The following NOL4 variants were observed in gnomAD, a reference collection of about 807,000 sequenced individuals.
NOL4 encodes cancer/testis antigen 125.
In NOL4, 17 loss-of-function variants were observed where a neutral mutation model predicts 75.9. The observed-to-expected ratio is 0.22, with a 90% CI of 0.15 to 0.34. NOL4 has a LOEUF of 0.34. Ranked by LOEUF, NOL4 falls within the 10% of genes least tolerant of loss-of-function variation. NOL4 has a pLI of 1.00. For missense variants in NOL4, 614 were observed against 793.5 expected (o/e 0.77, Z 2.72); for synonymous variants, 292 against 289.9 (o/e 1.01, Z -0.07).
In NOL4 at chr18:34,105,063, C is replaced by G; in HGVS notation, c.512G>C (p.Gly171Ala). 6.2e-7 allele frequency: 1 copy of G among 1,606,268 alleles called. No homozygotes were observed. The highest frequency in any genetic ancestry group is 2.2e-5 in the East Asian group (1 of 44,726). Residue 171 changes from glycine (G) to alanine (A), a missense_variant, in exon 3 of 11, where the codon GGA becomes GCA. Physicochemically the swap from Gly to Ala is moderately conservative, Grantham distance 60. Transcript: ENST00000261592. ...CQKRMHLNPD[G>A]TDHKDNGKPP... ...ACTGCAGCTACCTTTATGATCTGTT[C>G]CATCTGGGTTTAAATGCATTCTTTT...
intron 1 of NOL4, among the ~76,000 whole-genome samples, chr18:34,139,224 A>G (rs1292595566): frequency 2.0e-5 from 3 of 152,040 alleles, no homozygotes; most frequent in Non-Finnish European, 2.9e-5. Flanking sequence ...CTCTTTTTCT[A>G]TTGATTGGAA....
At chr18:33,918,829 G>A (rs543262459) in intron 9 of NOL4, among the ~76,000 whole-genome samples, 34 of 152,190 alleles carry the variant, frequency 2.2e-4, no homozygotes, top group African/African-American at 8.2e-4. Flanking sequence ...TTGAACAATA[G>A]GAAGTTATGA....
At chr18:33,934,484 A>T (rs573907355) in intron 9 of NOL4, among the ~76,000 whole-genome samples, 1 of 152,284 alleles carries the variant, frequency 6.6e-6, no homozygotes, top group African/African-American at 2.4e-5. Context: ...TAGTGATTTC[A>T]TCTACATTAT....
chr18:33,912,765 C>T (rs1430411436), intron 9 of NOL4, among the ~76,000 whole-genome samples: 1 of 151,986 alleles, frequency 6.6e-6, no homozygotes, highest in South Asian at 2.1e-4. Flanking sequence ...TTCATGTGAC[C>T]TAAGATGACA....
At chr18:34,183,687 C>T (rs2034227671) in intron 1 of NOL4, 1 of 151,882 alleles carries the variant, frequency 6.6e-6, no homozygotes, top group African/African-American at 2.4e-5. Context: ...ATACCACCTC[C>T]ACTGCCTTTG....
At chr18:33,915,997 G>T (rs894091986) in intron 9 of NOL4, among the ~76,000 whole-genome samples, 1 of 152,092 alleles carries the variant, frequency 6.6e-6, no homozygotes, top group Non-Finnish European at 1.5e-5. Flanking sequence ...CAACATTATC[G>T]AGTACAGAGT....
rs956501756 is a variant in NOL4 at position 33,932,661 on chromosome 18, A to T, written c.1542+10404T>A. On this transcript the variant is annotated intron_variant, in intron 9 of 10. Coordinates refer to ENST00000261592, the MANE Select transcript of NOL4 (RefSeq NM_003787.5). ...TTATTTATGTATTTCATTATTTCCT[A>T]ATTATAAAAAATCCTATGTGATTGA... Among the ~76,000 whole-genome samples, 12 of 152,190 alleles carry T rather than the reference A, an allele frequency of 7.9e-5. No homozygotes were observed. The East Asian group carries it at 2.3e-3, about 29-fold the overall frequency.
chr18:34,068,134 G>A lies in NOL4; in HGVS notation c.772+25331C>T, dbSNP rs1000237430. The stretch of plus-strand genomic sequence containing the variant: ...ACCCTCTTAGGCTTCCATACATGAA[G>A]TGGGCATTAATGTGCATGAATAATG... On this transcript the variant is annotated intron_variant, in intron 5 of 10. Transcript: ENST00000261592. 7.9e-5 allele frequency among the ~76,000 whole-genome samples: 12 copies of A among 152,314 alleles called. No individual in the cohort carries two copies. The South Asian group carries it at 1.9e-3, about 24-fold the overall frequency.
At chr18:34,073,164 C>T (rs2077593376) in intron 5 of NOL4, among the ~76,000 whole-genome samples, 1 of 151,636 alleles carries the variant, frequency 6.6e-6, no homozygotes, top group African/African-American at 2.4e-5. Flanking sequence ...AATTGATAAC[C>T]CCTTGAAATA....
intron 6 of NOL4, among the ~76,000 whole-genome samples, chr18:33,962,336 T>C (rs1294987690): frequency 6.6e-6 from 1 of 152,196 alleles, no homozygotes; most frequent in Non-Finnish European, 1.5e-5. Context: ...CAATATAGAT[T>C]TCACACATGA....
intron 5 of NOL4, among the ~76,000 whole-genome samples, chr18:34,069,725 A>T (rs1260453637): frequency 6.6e-6 from 1 of 152,214 alleles, no homozygotes; most frequent in Non-Finnish European, 1.5e-5. Flanking sequence ...CATTATCCAC[A>T]GTAACCCGCT....
chr18:33,987,781 C>T (rs1459961900), intron 6 of NOL4, among the ~76,000 whole-genome samples: 1 of 152,044 alleles, frequency 6.6e-6, no homozygotes, highest in Non-Finnish European at 1.5e-5. Flanking sequence ...CTCCTATGGA[C>T]TAGCAGCCAC....
intron 5 of NOL4, among the ~76,000 whole-genome samples, chr18:34,088,333 T>C (rs1362878075): frequency 6.6e-6 from 1 of 152,060 alleles, no homozygotes; most frequent in Non-Finnish European, 1.5e-5. Flanking sequence ...AAATTCATAA[T>C]AAAGTAAGTA....
chr18:34,109,893 G>T (rs1415094166), intron 2 of NOL4, among the ~76,000 whole-genome samples: 1 of 150,982 alleles, frequency 6.6e-6, no homozygotes, highest in Non-Finnish European at 1.5e-5. Flanking sequence ...CCAACAAATC[G>T]GATAACACAA....
intron 9 of NOL4, among the ~76,000 whole-genome samples, chr18:33,916,726 T>C (rs755856364): frequency 2.0e-5 from 3 of 152,222 alleles, no homozygotes; most frequent in Non-Finnish European, 4.4e-5. Flanking sequence ...TTGCTAAATA[T>C]AAATATTATT....
rs558552977 is a variant in NOL4 at position 33,950,595 on chromosome 18, T to C, written c.1428+6731A>G. ...ACAGAGATGAACAAGTTAAGAAGCA[T>C]AGTACTCAAGGAACATAATTTCTTC... On this transcript the variant is annotated intron_variant, in intron 8 of 10. Coordinates refer to ENST00000261592, the MANE Select transcript of NOL4 (RefSeq NM_003787.5). 2.0e-4 allele frequency among the ~76,000 whole-genome samples: 31 copies of C among 152,240 alleles called. 1 individual carries two copies. Among genetic ancestry groups the C allele is most frequent in the South Asian group, 1.9e-3 (9 of 4,826 alleles).
intron 9 of NOL4, among the ~76,000 whole-genome samples, chr18:33,908,084 C>T (rs76651880): frequency 0.017 from 2,531 of 152,210 alleles, 62 homozygotes; most frequent in African/African-American, 0.057. Flanking sequence ...AATGGTTCTA[C>T]GGGCATGTCA....
At chr18:34,202,611 T>C (rs1021656985) in intron 1 of NOL4, among the ~76,000 whole-genome samples, 5 of 151,946 alleles carry the variant, frequency 3.3e-5, no homozygotes, top group African/African-American at 1.2e-4. Flanking sequence ...ATGGTGGAGA[T>C]GACTAAACTC....
chr18:34,163,256 G>A lies in NOL4; in HGVS notation c.265-33236C>T, dbSNP rs558762371. On this transcript the variant is annotated intron_variant, in intron 1 of 10. Transcript: ENST00000261592. ...TTCTGGCCAGGGCAATTAGGCAGGC[G>A]AAGGAAATAAAGGGTATTCAATTAG... 6.5e-3 allele frequency among the ~76,000 whole-genome samples: 988 copies of A among 152,106 alleles called. 18 individuals are homozygous for A. Among genetic ancestry groups the A allele is most frequent in the African/African-American group, 0.023 (942 of 41,460 alleles).
Sources: gnomAD v4.1 joint callset for allele counts (sites outside exome capture counted in the v4.1 genomes callset) on GRCh38, gnomAD v4.1.1 for gene constraint, MANE v1.5 for transcripts, NCBI Gene and HGNC (gene_info 2026-07-23, HGNC 2026-07-21) for gene names.